Variants in KCNIP4 observed in about 807,000 individuals in gnomAD.
KCNIP4 encodes potassium voltage-gated channel interacting protein 4.
Under a neutral mutation model 34.0 loss-of-function variants are expected in KCNIP4, and 12 were observed. The observed-to-expected ratio is 0.35, with a 90% CI of 0.23 to 0.57. The LOEUF (loss-of-function observed/expected upper bound fraction) is 0.57, where lower values mean the gene tolerates loss of function less well. Ranked by LOEUF, KCNIP4 falls within the 20% of genes least tolerant of loss-of-function variation. The pLI is 0.83. For missense variants in KCNIP4, 238 were observed against 311.7 expected (o/e 0.76, Z 1.78); for synonymous variants, 124 against 102.2 (o/e 1.21, Z -1.29).
At chr4:21,425,184 A>C (rs1238603016) in intron 1 of KCNIP4, among the ~76,000 whole-genome samples, 1 of 152,154 alleles carries the variant, frequency 6.6e-6, no homozygotes, top group African/African-American at 2.4e-5. Context: ...ATCTTGCCCT[A>C]ACCCTTCTAA....
intron 3 of KCNIP4, among the ~76,000 whole-genome samples, chr4:20,839,963 G>A (rs186986937): frequency 2.0e-4 from 30 of 152,272 alleles, no homozygotes; most frequent in Admixed American, 1.8e-3. Context: ...CTAGCCACTT[G>A]GATGTTGGGA....
At chr4:21,534,869 T>C (rs569917067) in intron 1 of KCNIP4, among the ~76,000 whole-genome samples, 1 of 152,240 alleles carries the variant, frequency 6.6e-6, no homozygotes, top group Admixed American at 6.5e-5. Flanking sequence ...GTATCCCTGA[T>C]CACAGTCAGC....
intron 1 of KCNIP4, chr4:21,849,097 C>A (rs1724210536): frequency 6.6e-6 from 1 of 151,988 alleles, no homozygotes; most frequent in African/African-American, 2.4e-5. Context: ...GGAATCACTC[C>A]GTCTACCTGC....
intron 1 of KCNIP4, among the ~76,000 whole-genome samples, chr4:21,278,098 C>T (rs571719505): frequency 6.6e-6 from 1 of 151,820 alleles, no homozygotes; most frequent in South Asian, 2.1e-4. Flanking sequence ...TAAAAAATTC[C>T]CACTTTCTTT....
At chr4:21,088,197 A>C (rs944685123) in intron 1 of KCNIP4, among the ~76,000 whole-genome samples, 2 of 146,270 alleles carry the variant, frequency 1.4e-5, no homozygotes, top group African/African-American at 4.9e-5. Context: ...TGGAAATCTT[A>C]TATGATTTCT....
In KCNIP4 at chr4:20,730,116, A is replaced by G; in HGVS notation, c.719T>C (p.Met240Thr). Residue 240 changes from methionine to threonine, a missense_variant, in exon 9 of 9, where the codon ATG (methionine) becomes ACG (threonine). Transcript: ENST00000382152. ...ATTTTCAAAGAGCTGCATGGAGCGC[A>G]TTATGTTTTCATCCTGTAAGGGAGA... ...IESCQKDENI[M>T]RSMQLFENVI The G allele has an allele frequency of 6.2e-7, 1 of 1,608,882 alleles. No individual in the cohort carries two copies. The highest frequency in any genetic ancestry group is 8.5e-7 in the Non-Finnish European group (1 of 1,178,280).
chr4:21,253,664 A>T (rs1049537206), intron 1 of KCNIP4, among the ~76,000 whole-genome samples: 2 of 152,206 alleles, frequency 1.3e-5, no homozygotes, highest in Admixed American at 6.5e-5. Flanking sequence ...CTGGCTATGT[A>T]TTAAAATCAC....
chr4:20,819,759 C>T (rs1328048836), intron 3 of KCNIP4, among the ~76,000 whole-genome samples: 1 of 152,180 alleles, frequency 6.6e-6, no homozygotes, highest in Non-Finnish European at 1.5e-5. Flanking sequence ...ACTCTAGGAC[C>T]TTCAGCTCTT....
chr4:21,560,946 C>A (rs1262994776), intron 1 of KCNIP4, among the ~76,000 whole-genome samples: 2 of 151,898 alleles, frequency 1.3e-5, no homozygotes, highest in Non-Finnish European at 2.9e-5. Flanking sequence ...GATTGTACTG[C>A]AGAATTAAAA....
chr4:21,544,811 C>T (rs60492426), intron 1 of KCNIP4, among the ~76,000 whole-genome samples: 5,989 of 152,210 alleles, frequency 0.039, 108 homozygotes, highest in East Asian at 0.05. Flanking sequence ...GCTGTTCTGC[C>T]CATGGAGTAG....
At position 21,746,484 on chromosome 4, in the gene KCNIP4, T is replaced by C. The variant is rs116724294; in HGVS notation, c.61+202087A>G. Among the ~76,000 whole-genome samples the C allele has an allele frequency of 4.6e-3, 701 of 152,226 alleles. 4 individuals carry two copies. Among genetic ancestry groups the C allele is most frequent in the African/African-American group, 0.016 (683 of 41,546 alleles). Reference sequence around the variant, plus strand: ...AGTTCAATGAGAACTTTGAATGCTATTGGCAGGAGTGTAATCTGACAAACC... The same window carrying C: ...AGTTCAATGAGAACTTTGAATGCTACTGGCAGGAGTGTAATCTGACAAACC... On this transcript the variant is annotated intron_variant, in intron 1 of 8. Coordinates refer to ENST00000382152, the MANE Select transcript of KCNIP4 (RefSeq NM_025221.6).
intron 1 of KCNIP4, among the ~76,000 whole-genome samples, chr4:21,558,440 T>C (rs1739251357): frequency 6.6e-6 from 1 of 151,530 alleles, no homozygotes; most frequent in Non-Finnish European, 1.5e-5. Context: ...TACAGTGAGC[T>C]GAGCTCACGC....
At chr4:21,526,520 G>A (rs1735987268) in intron 1 of KCNIP4, among the ~76,000 whole-genome samples, 2 of 152,074 alleles carry the variant, frequency 1.3e-5, no homozygotes, top group South Asian at 4.2e-4. Context: ...CAAAATTGAA[G>A]TTATGCACCT....
chr4:20,750,454 C>CG (rs1753411096), intron 4 of KCNIP4, among the ~76,000 whole-genome samples: 1 of 152,128 alleles, frequency 6.6e-6, no homozygotes, highest in Non-Finnish European at 1.5e-5. Flanking sequence ...GGAGCCCCTA[C>CG]TCTGTCTGGG....
At chr4:20,770,879 G>A (rs969554386) in intron 3 of KCNIP4, among the ~76,000 whole-genome samples, 1 of 152,136 alleles carries the variant, frequency 6.6e-6, no homozygotes, top group Admixed American at 6.5e-5. Flanking sequence ...AGGTTGCAGT[G>A]AGCCGAGATC....
At chr4:20,799,006 T>G (rs1408226599) in intron 3 of KCNIP4, among the ~76,000 whole-genome samples, 1 of 152,172 alleles carries the variant, frequency 6.6e-6, no homozygotes, top group Non-Finnish European at 1.5e-5. Flanking sequence ...ACTACTAGAG[T>G]GCATCCTGCT....
At chr4:21,042,214 T>C (rs1037762373) in intron 1 of KCNIP4, among the ~76,000 whole-genome samples, 1 of 152,130 alleles carries the variant, frequency 6.6e-6, no homozygotes, top group African/African-American at 2.4e-5. Flanking sequence ...GTAAATGAAA[T>C]CAATAGGTTG....
chr4:21,198,501 T>C (rs1165382586), intron 1 of KCNIP4, among the ~76,000 whole-genome samples: 1 of 152,218 alleles, frequency 6.6e-6, no homozygotes, highest in Admixed American at 6.5e-5. Flanking sequence ...TCTTCTCCCA[T>C]TTATTCCTCA....
At chr4:20,735,135 A>G (rs984758692) in intron 5 of KCNIP4, among the ~76,000 whole-genome samples, 2 of 152,246 alleles carry the variant, frequency 1.3e-5, no homozygotes, top group African/African-American at 4.8e-5. Context: ...CTAATAAGAA[A>G]TGTGGCTGTC....
Sources: gnomAD v4.1 joint callset for allele counts (sites outside exome capture counted in the v4.1 genomes callset) on GRCh38, gnomAD v4.1.1 for gene constraint, MANE v1.5 for transcripts, NCBI Gene and HGNC (gene_info 2026-07-23, HGNC 2026-07-21) for gene names.